The following ADAMTS17 variants were observed in gnomAD, a reference collection of about 807,000 sequenced individuals.
The protein encoded by ADAMTS17 is ADAM metallopeptidase with thrombospondin type 1 motif 17, also known as A disintegrin and metalloproteinase with thrombospondin motifs 17.
In ADAMTS17, 113 loss-of-function variants were observed where a neutral mutation model predicts 141.5. The observed-to-expected ratio is 0.80, with a 90% CI of 0.69 to 0.93. The LOEUF (loss-of-function observed/expected upper bound fraction) is 0.93, where lower values mean the gene tolerates loss of function less well. Among genes scored for constraint, ADAMTS17 ranks in the 40% least tolerant of loss-of-function variants. The pLI is 0.00. For synonymous variants in ADAMTS17, 768 were observed against 630.6 expected (o/e 1.22, Z -3.27); for missense variants, 1,659 against 1,517.9 (o/e 1.09, Z -1.54).
intron 7 of ADAMTS17, among the ~76,000 whole-genome samples, chr15:100,248,198 G>C (rs1028890890): frequency 6.6e-6 from 1 of 152,170 alleles, no homozygotes; most frequent in South Asian, 2.1e-4. Flanking sequence ...ACAACGAAAA[G>C]GGAGGCCCTT....
chr15:100,246,895 A>ATTTATTTT lies in ADAMTS17; in HGVS notation c.1075+7240_1075+7241insAAAATAAA, dbSNP rs1451015313. Among the ~76,000 whole-genome samples the ATTTATTTT allele has an allele frequency of 3.3e-5, 5 of 150,312 alleles. No homozygotes were observed. The East Asian group carries it at 5.8e-4, about 18-fold the overall frequency. On this transcript the variant is annotated intron_variant, in intron 7 of 21. Transcript: ENST00000268070. The stretch of plus-strand genomic sequence containing the variant: ...TATTTATTTATTTATTTATTTATTT[A>ATTTATTTT]TTTTTTGAGACAATGTCTCTCTCTG...
At chr15:100,244,257 G>A (rs972420684) in intron 7 of ADAMTS17, among the ~76,000 whole-genome samples, 4 of 151,644 alleles carry the variant, frequency 2.6e-5, no homozygotes, top group East Asian at 2.0e-4. Context: ...CCCATGACAC[G>A]TGGGAATTAT....
In ADAMTS17 at chr15:100,132,134, A is replaced by C; in HGVS notation, c.1594T>G (p.Cys532Gly). Reference protein sequence around the residue: ...GADKWCRAGECVSKTPIPEHV... With the variant: ...GADKWCRAGEGVSKTPIPEHV... ...TCCGGGATGGGCGTCTTGCTCACGC[A>C]CTCCCCCGCGCGGCACCACTGAAAC... The change falls in exon 12 of 22, where the codon TGC (cysteine) becomes GGC (glycine). Residue 532 changes from cysteine to glycine, a missense_variant. Transcript: ENST00000268070. The C allele has an allele frequency of 6.2e-7, 1 of 1,613,078 alleles. No homozygotes were observed. Among genetic ancestry groups the C allele is most frequent in the Non-Finnish European group, 8.5e-7 (1 of 1,179,884 alleles).
intron 21 of ADAMTS17, 76 bp from the exon 22 acceptor site, chr15:99,974,638 T>G: frequency 2.5e-6 from 4 of 1,591,668 alleles, no homozygotes; most frequent in Non-Finnish European, 3.4e-6. Context: ...AGGGAGGGCT[T>G]GTGGTCTGAC....
intron 8 of ADAMTS17, among the ~76,000 whole-genome samples, chr15:100,183,496 T>C (rs1025470924): frequency 6.6e-6 from 1 of 152,300 alleles, no homozygotes; most frequent in East Asian, 1.9e-4. Flanking sequence ...TTTTCATTGA[T>C]TTATTTCTGT....
intron 10 of ADAMTS17, among the ~76,000 whole-genome samples, chr15:100,150,797 T>C (rs2141344009): frequency 6.6e-6 from 1 of 152,286 alleles, no homozygotes; most frequent in South Asian, 2.1e-4. Flanking sequence ...AGCTGGGCAC[T>C]ACCCACTTCC....
At chr15:100,328,744 C>T (rs929478680) in intron 3 of ADAMTS17, among the ~76,000 whole-genome samples, 8 of 152,180 alleles carry the variant, frequency 5.3e-5, no homozygotes, top group African/African-American at 1.9e-4. Context: ...GTCAGTGATC[C>T]TCAGTATCAC....
intron 4 of ADAMTS17, among the ~76,000 whole-genome samples, chr15:100,266,411 C>A (rs76595805): frequency 9.2e-4 from 140 of 152,302 alleles, no homozygotes; most frequent in East Asian, 2.9e-3. Context: ...CACAGGTGAG[C>A]GGTTTGCCAG....
intron 10 of ADAMTS17, 97 bp downstream of exon 10, chr15:100,152,515 G>A: frequency 6.6e-7 from 1 of 1,524,278 alleles, no homozygotes; most frequent in Non-Finnish European, 9.0e-7. Flanking sequence ...TGCCTGTGCT[G>A]AGTGTGAATG....
At chr15:100,317,473 A>G (rs1051983196) in intron 3 of ADAMTS17, among the ~76,000 whole-genome samples, 8 of 151,430 alleles carry the variant, frequency 5.3e-5, no homozygotes, top group Non-Finnish European at 1.2e-4. Flanking sequence ...GGTCTGCTTG[A>G]CCCTCTGTTC....
chr15:99,986,154 T>A (rs61234327), intron 20 of ADAMTS17, among the ~76,000 whole-genome samples: 2,234 of 151,620 alleles, frequency 0.015, 54 homozygotes, highest in African/African-American at 0.05. Flanking sequence ...CCTTGCAGGG[T>A]GGGGCAGGGG....
At chr15:100,048,436 C>A (rs908965376) in intron 18 of ADAMTS17, among the ~76,000 whole-genome samples, 1 of 152,158 alleles carries the variant, frequency 6.6e-6, no homozygotes, top group Admixed American at 6.5e-5. Flanking sequence ...TCCACACTCA[C>A]TGGCATGAAT....
intron 8 of ADAMTS17, among the ~76,000 whole-genome samples, chr15:100,163,007 T>C (rs1292650147): frequency 7.1e-6 from 1 of 141,490 alleles, no homozygotes; most frequent in Non-Finnish European, 1.5e-5. Flanking sequence ...TGTATATATG[T>C]GTATATATAA....
chr15:100,321,981 C>T (rs974904035), intron 3 of ADAMTS17, among the ~76,000 whole-genome samples: 3 of 152,110 alleles, frequency 2.0e-5, no homozygotes, highest in African/African-American at 7.2e-5. Context: ...AAATCTCTAC[C>T]ACTACCAGTA....
intron 15 of ADAMTS17, among the ~76,000 whole-genome samples, chr15:100,069,654 G>A (rs2033824807): frequency 6.6e-6 from 1 of 152,048 alleles, no homozygotes; most frequent in Non-Finnish European, 1.5e-5. Flanking sequence ...AGCTTCATAA[G>A]TGAAGGAGAA....
At chr15:100,001,994 C>CA (rs71151931) in intron 18 of ADAMTS17, among the ~76,000 whole-genome samples, 2 of 58,374 alleles carry the variant, frequency 3.4e-5, no homozygotes, top group African/African-American at 1.2e-4. Context: ...AGGCCAAACC[C>CA]AAAAAAAAAA....
At chr15:100,046,275 C>T (rs577820410) in intron 18 of ADAMTS17, among the ~76,000 whole-genome samples, 155 of 152,242 alleles carry the variant, frequency 1.0e-3, no homozygotes, top group African/African-American at 3.2e-3. Flanking sequence ...GCTACTCTAT[C>T]GTTACAGGAA....
At chr15:100,057,450 G>A (rs762798146) in intron 15 of ADAMTS17, among the ~76,000 whole-genome samples, 3 of 152,100 alleles carry the variant, frequency 2.0e-5, no homozygotes, top group Non-Finnish European at 2.9e-5. Context: ...CTCCTTGCTG[G>A]GCCACCAGCA....
chr15:100,158,288 G>A (rs574100547), intron 8 of ADAMTS17, among the ~76,000 whole-genome samples: 4 of 152,220 alleles, frequency 2.6e-5, no homozygotes, highest in South Asian at 2.1e-4. Context: ...ATACACAAGT[G>A]CATGAGAAAG....
Sources: gnomAD v4.1 joint callset for allele counts (sites outside exome capture counted in the v4.1 genomes callset) on GRCh38, gnomAD v4.1.1 for gene constraint, MANE v1.5 for transcripts, NCBI Gene and HGNC (gene_info 2026-07-23, HGNC 2026-07-21) for gene names.